ITGBL1: variants seen among roughly 807,000 people sequenced by gnomAD.
The protein encoded by ITGBL1 is integrin subunit beta like 1, also known as integrin beta-like protein 1.
ITGBL1 carries 51 observed loss-of-function variants against 68.5 expected under a neutral mutation model. The ratio of observed to expected loss-of-function variants is 0.74; its 90% CI spans 0.59 to 0.94. The LOEUF (loss-of-function observed/expected upper bound fraction) is 0.94. Among genes scored for constraint, ITGBL1 ranks in the 40% least tolerant of loss-of-function variants. ITGBL1 has a pLI of 0.00. For synonymous variants in ITGBL1, 209 were observed against 227.3 expected (o/e 0.92, Z 0.72); for missense variants, 649 against 647.4 (o/e 1.00, Z -0.03).
intron 2 of ITGBL1, among the ~76,000 whole-genome samples, chr13:101,484,323 T>A (rs1166194132): frequency 2.6e-5 from 4 of 152,146 alleles, no homozygotes; most frequent in African/African-American, 4.8e-5. Flanking sequence ...TGGTTTCAAA[T>A]ATTTCCTGCC....
chr13:101,683,826 G>A (rs1421323379), intron 7 of ITGBL1, among the ~76,000 whole-genome samples: 3 of 151,950 alleles, frequency 2.0e-5, no homozygotes, highest in Non-Finnish European at 2.9e-5. Context: ...ATAAGAGGAG[G>A]AGTATCTTTT....
At chr13:101,714,737 A>G in intron 10 of ITGBL1, 186 bp downstream of exon 10, 1 of 579,184 alleles carries the variant, frequency 1.7e-6, no homozygotes. Flanking sequence ...TCCTAGGCAT[A>G]GAAGAATACA....
chr13:101,661,816 A>T (rs1357463348), intron 7 of ITGBL1, among the ~76,000 whole-genome samples: 1 of 152,202 alleles, frequency 6.6e-6, no homozygotes, highest in African/African-American at 2.4e-5. Flanking sequence ...AAGTTTATTA[A>T]TTATACTTCT....
At chr13:101,603,546 C>G (rs1331921516) in intron 7 of ITGBL1, among the ~76,000 whole-genome samples, 2 of 151,686 alleles carry the variant, frequency 1.3e-5, no homozygotes, top group Non-Finnish European at 2.9e-5. Context: ...AATTCATATC[C>G]CTCAGACTGC....
chr13:101,674,622 G>A (rs2033457242), intron 7 of ITGBL1, among the ~76,000 whole-genome samples: 1 of 151,596 alleles, frequency 6.6e-6, no homozygotes, highest in African/African-American at 2.4e-5. Flanking sequence ...TTCTGTCAAA[G>A]GTACTATTTA....
Position 101,605,326 on chromosome 13 carries a change from GTATA to G in ITGBL1, c.1015+7036_1015+7039del, listed in dbSNP as rs61728049. 6.3e-3 allele frequency among the ~76,000 whole-genome samples: 874 copies of G among 139,228 alleles called. 76 individuals carry two copies. Among genetic ancestry groups the G allele is most frequent in the African/African-American group, 0.021 (766 of 36,968 alleles). 91.3% of individuals were successfully genotyped at this position (139,228 alleles called of 152,430 possible). A position where few individuals can be genotyped will look rare whatever the true frequency, so the allele number is the denominator to read the frequency against. On this transcript the variant is annotated intron_variant, in intron 7 of 10. Transcript: ENST00000376180. Reference sequence around the variant, plus strand: ...TATAGGCATGTATATATGCATATGCGTATATATATATACACATATCTAGACATGT... The same window carrying G: ...TATAGGCATGTATATATGCATATGCGTATATATACACATATCTAGACATGT...
chr13:101,485,664 C>G (rs930222934), intron 2 of ITGBL1, among the ~76,000 whole-genome samples: 1 of 151,956 alleles, frequency 6.6e-6, no homozygotes, highest in Non-Finnish European at 1.5e-5. Flanking sequence ...TGGTGGCAGG[C>G]GCCCGTAGTC....
intron 9 of ITGBL1, among the ~76,000 whole-genome samples, chr13:101,709,091 C>T (rs1443026015): frequency 1.3e-5 from 2 of 152,142 alleles, no homozygotes; most frequent in Admixed American, 6.5e-5. Flanking sequence ...GGAGGCCGGG[C>T]GCGGTGGCTC....
chr13:101,543,852 T>G (rs1401413857), intron 2 of ITGBL1, among the ~76,000 whole-genome samples: 3 of 152,258 alleles, frequency 2.0e-5, no homozygotes, highest in Admixed American at 1.3e-4. Context: ...AATCGGCTAC[T>G]GAGGCTTGTG....
At chr13:101,608,842 C>A (rs1188654280) in intron 7 of ITGBL1, among the ~76,000 whole-genome samples, 2 of 151,986 alleles carry the variant, frequency 1.3e-5, no homozygotes, top group South Asian at 2.1e-4. Flanking sequence ...AATGACCCTG[C>A]AAAATTAACT....
At chr13:101,531,716 T>TG (rs1351976413) in intron 2 of ITGBL1, among the ~76,000 whole-genome samples, 160 of 144,012 alleles carry the variant, frequency 1.1e-3, no homozygotes, top group South Asian at 1.3e-3. Context: ...TATTTATTTA[T>TG]TTATTTATTT....
intron 2 of ITGBL1, among the ~76,000 whole-genome samples, chr13:101,566,625 C>T (rs769698579): frequency 1.4e-4 from 22 of 152,138 alleles, no homozygotes; most frequent in Non-Finnish European, 2.8e-4. Context: ...AATGGGCAGC[C>T]TCCAAGCCAT....
At chr13:101,596,917 G>A (rs542237832) in intron 6 of ITGBL1, among the ~76,000 whole-genome samples, 1 of 152,216 alleles carries the variant, frequency 6.6e-6, no homozygotes, top group African/African-American at 2.4e-5. Context: ...TTGGGGAAAG[G>A]TGTGGGAGAG....
chr13:101,688,711 A>T (rs2033812108), intron 7 of ITGBL1, among the ~76,000 whole-genome samples: 2 of 152,226 alleles, frequency 1.3e-5, no homozygotes, highest in Non-Finnish European at 2.9e-5. Flanking sequence ...TTGTCGTGGG[A>T]CATATTTAAT....
intron 2 of ITGBL1, among the ~76,000 whole-genome samples, chr13:101,554,513 C>T (rs565874108): frequency 1.3e-4 from 20 of 152,342 alleles, no homozygotes; most frequent in Non-Finnish European, 2.6e-4. Flanking sequence ...CACCATAGGT[C>T]CTCTTCAGAC....
chr13:101,642,176 C>T (rs1463549958), intron 7 of ITGBL1, among the ~76,000 whole-genome samples: 1 of 151,922 alleles, frequency 6.6e-6, no homozygotes, highest in African/African-American at 2.4e-5. Flanking sequence ...TACAGTCCCA[C>T]CAACAGTGTA....
intron 2 of ITGBL1, among the ~76,000 whole-genome samples, chr13:101,533,385 G>T (rs2049515979): frequency 6.6e-6 from 1 of 152,154 alleles, no homozygotes; most frequent in Non-Finnish European, 1.5e-5. Context: ...CCCAGGGATT[G>T]GACCTACTGT....
At chr13:101,591,810 AT>A (rs764053388) in intron 6 of ITGBL1, among the ~76,000 whole-genome samples, 3 of 152,270 alleles carry the variant, frequency 2.0e-5, no homozygotes, top group Non-Finnish European at 4.4e-5. Context: ...TTTTGCAGCA[AT>A]TATAGAAATC....
At chr13:101,673,966 A>G (rs1157065343) in intron 7 of ITGBL1, among the ~76,000 whole-genome samples, 1 of 152,236 alleles carries the variant, frequency 6.6e-6, no homozygotes, top group African/African-American at 2.4e-5. Flanking sequence ...TAACCACAGA[A>G]TGATTAGTCA....
Sources: gnomAD v4.1 joint callset for allele counts (sites outside exome capture counted in the v4.1 genomes callset) on GRCh38, gnomAD v4.1.1 for gene constraint, MANE v1.5 for transcripts, NCBI Gene and HGNC (gene_info 2026-07-23, HGNC 2026-07-21) for gene names.